Variants in PROSER1 observed in about 807,000 individuals in gnomAD.
PROSER1 encodes proline and serine-rich protein 1.
PROSER1 carries 36 observed loss-of-function variants against 71.8 expected under a neutral mutation model. That is an observed-to-expected ratio of 0.50 (90% CI 0.38 to 0.66). The LOEUF is 0.66. PROSER1 is among the 30% of genes least tolerant of loss of function. The pLI is 0.00. For synonymous variants in PROSER1, 490 were observed against 452.4 expected, an observed-to-expected ratio of 1.08 and a Z score of -1.06; for missense variants, 1,107 against 1,135.0, an observed-to-expected ratio of 0.98 and a Z score of 0.35.
chr13:39,016,978 G>A (rs936636662), intron 10 of PROSER1, among the ~76,000 whole-genome samples: 27 of 152,180 alleles, frequency 1.8e-4, no homozygotes, highest in African/African-American at 6.5e-4. Flanking sequence ...ATACAACGTC[G>A]CAGCACTGCT....
chr13:39,029,328 A>C lies in PROSER1; in HGVS notation c.228T>G (p.Cys76Trp). ...QPTEVVNILN[C>W]FTFSKDKLVA... The stretch of plus-strand genomic sequence containing the variant: ...CTAGTTTGTCTTTACTGAAAGTGAA[A>C]CAGTTGAGTATATTGACCACTTCTG... Residue 76 changes from cysteine to tryptophan, a missense_variant, in exon 4 of 13, where the codon TGT becomes TGG. Physicochemically the swap from Cys to Trp is radical, Grantham distance 215. Coordinates refer to ENST00000352251, the MANE Select transcript of PROSER1 (RefSeq NM_025138.5). 1 of 1,552,702 alleles carries C rather than the reference A, an allele frequency of 6.4e-7. No homozygotes were observed. Among genetic ancestry groups the C allele is most frequent in the Non-Finnish European group, 8.6e-7 (1 of 1,157,214 alleles).
rs568261276 is a variant in PROSER1 at position 39,023,283 on chromosome 13, C to G, written c.565-153G>C. 1.3e-3 allele frequency: 756 copies of G among 566,208 alleles called. 3 individuals are homozygous for G. The highest frequency in any genetic ancestry group is 2.1e-3 in the Non-Finnish European group (678 of 316,876). 35.1% of individuals were successfully genotyped at this position (566,208 alleles called of 1,614,324 possible). On this transcript the variant is annotated intron_variant, in intron 7 of 12. Transcript: ENST00000352251. ...ATGGGACAACAAATGAGGGAAATTT[C>G]TTTGCTTTAATAAATGTGGTTGCTA... is the stretch of plus-strand genomic sequence containing the variant.
At chr13:39,018,280 T>C (rs753601451) in intron 9 of PROSER1, among the ~76,000 whole-genome samples, 16 of 152,138 alleles carry the variant, frequency 1.1e-4, no homozygotes, top group Admixed American at 2.6e-4. Context: ...TAACCTCTTA[T>C]GGCTTGACAA....
Position 39,026,293 on chromosome 13 carries a change from A to T in PROSER1, c.464T>A (p.Ile155Lys). The stretch of plus-strand genomic sequence containing the variant: ...TATGCTTACTGGGAAAATTCCATTT[A>T]TGCGGCTAGGTCTTCCTTTGGGATA... ...NPYPKGRPSR[I>K]NGIFPGTPLK... is the part of the protein sequence containing the mutation. Residue 155 changes from isoleucine (I) to lysine (K), a missense_variant, in exon 6 of 13, where the codon ATA becomes AAA. Transcript: ENST00000352251. 1 of 1,610,250 alleles carries T rather than the reference A, an allele frequency of 6.2e-7. No individual in the cohort carries two copies. Among genetic ancestry groups the T allele is most frequent in the South Asian group, 1.1e-5 (1 of 90,956 alleles).
rs1377604973 is a variant in PROSER1 at position 39,010,089 on chromosome 13, TA to T, written c.*1275del. ...AATTTGGATAAAAATGTTCAATAAT[TA>T]ACTCTAGCACGTATACAAAATTAGA... On this transcript the variant is annotated 3_prime_UTR_variant, in exon 13 of 13. Transcript: ENST00000352251. 2 of 152,654 alleles carry T rather than the reference TA, an allele frequency of 1.3e-5. No individual in the cohort carries two copies. Among genetic ancestry groups the T allele is most frequent in the Admixed American group, 1.3e-4 (2 of 15,292 alleles). 9.5% of individuals were successfully genotyped at this position (152,654 alleles called of 1,614,324 possible). A position where few individuals can be genotyped will look rare whatever the true frequency, so the allele number is the denominator to read the frequency against.
At chr13:39,028,087 C>G (rs998121516) in intron 5 of PROSER1, 140 bp downstream of exon 5, 1 of 539,900 alleles carries the variant, frequency 1.9e-6, no homozygotes, top group Non-Finnish European at 3.4e-6. Context: ...CGCCGCAGAC[C>G]GCAGGGATGT....
chr13:39,026,102 TTA>T (rs1870532436), intron 6 of PROSER1, among the ~76,000 whole-genome samples, 173 bp downstream of exon 6: 1 of 152,208 alleles, frequency 6.6e-6, no homozygotes, highest in Non-Finnish European at 1.5e-5. Context: ...TCTATAGATT[TTA>T]TATAGATACC....
chr13:39,031,685 T>A, intron 2 of PROSER1, 54 bp from the exon 3 acceptor site: 1 of 1,487,012 alleles, frequency 6.7e-7, no homozygotes, highest in Non-Finnish European at 9.3e-7. Context: ...AACATTTCTA[T>A]AAGATTTCAG....
At chr13:39,016,264 T>C (rs1215817509) in intron 10 of PROSER1, among the ~76,000 whole-genome samples, 1 of 152,242 alleles carries the variant, frequency 6.6e-6, no homozygotes. Context: ...TGTGCTAAGT[T>C]AGGCCCATCA....
intron 9 of PROSER1, among the ~76,000 whole-genome samples, chr13:39,021,377 G>C (rs1870282926): frequency 6.6e-6 from 1 of 152,008 alleles, no homozygotes; most frequent in African/African-American, 2.4e-5. Flanking sequence ...TTTAGAGGCA[G>C]AAAGTCCCCC....
intron 6 of PROSER1, among the ~76,000 whole-genome samples, chr13:39,025,174 A>G (rs1870488773): frequency 6.6e-6 from 1 of 152,202 alleles, no homozygotes; most frequent in Admixed American, 6.5e-5. Context: ...ATAAGAAAAA[A>G]TGGTGTTCTC....
Position 39,013,596 on chromosome 13 carries a change from G to A in PROSER1, c.1656C>T (p.Pro552=). Residue 552 remains proline, a synonymous_variant, in exon 11 of 13, where the codon CCC becomes CCT. Coordinates refer to ENST00000352251, the MANE Select transcript of PROSER1 (RefSeq NM_025138.5). ...AAGGAGACTGTACAGGCAATGTCAG[G>A]GGAGTGGAAGTTGAGTTAGCCACGG... ...PSPVANSTST[P]LTLPVQSPLA... 2 of 1,614,172 alleles carry A rather than the reference G, an allele frequency of 1.2e-6. No homozygotes were observed. The highest frequency in any genetic ancestry group is 1.7e-6 in the Non-Finnish European group (2 of 1,180,032).
intron 10 of PROSER1, among the ~76,000 whole-genome samples, chr13:39,015,625 A>T (rs1276533656): frequency 2.6e-5 from 4 of 152,186 alleles, no homozygotes. Flanking sequence ...ACACATACAT[A>T]ATTCATTTGC....
chr13:39,021,913 G>A (rs1382546471), intron 9 of PROSER1, among the ~76,000 whole-genome samples: 2 of 152,092 alleles, frequency 1.3e-5, no homozygotes, highest in Non-Finnish European at 2.9e-5. Flanking sequence ...TCTAATTTCA[G>A]AGAAATTAAA....
At position 39,026,272 on chromosome 13, in the gene PROSER1, C is replaced by T. The variant is rs1200962660; in HGVS notation, c.480+5G>A. 7.0e-6 allele frequency: 11 copies of T among 1,575,348 alleles called. No individual in the cohort carries two copies. ...TTTCATATACAGCTACAGAAGTATGCTTACTGGGAAAATTCCATTTATGCG... is the reference window on the plus strand; with the variant it reads ...TTTCATATACAGCTACAGAAGTATGTTTACTGGGAAAATTCCATTTATGCG... On this transcript the variant is annotated splice_donor_5th_base_variant and intron_variant, in intron 6 of 12. Transcript: ENST00000352251.
At position 39,012,853 on chromosome 13, in the gene PROSER1, G is replaced by A; in HGVS notation, c.2399C>T (p.Thr800Ile). ...CCCCGGGAATGAGGGAAGAGCAGGG[G>A]TAACGCTTGGGGTATTAGAGACAGA... is the stretch of plus-strand genomic sequence containing the variant. Reference protein sequence around the residue: ...GFSVSNTPSVTPALPSFPGLQ... With the variant: ...GFSVSNTPSVIPALPSFPGLQ... The change falls in exon 11 of 13, where the codon ACC becomes ATC. Residue 800 changes from threonine to isoleucine, a missense_variant. Physicochemically the swap from Thr to Ile is moderately conservative, Grantham distance 89. Transcript: ENST00000352251. The A allele has an allele frequency of 6.2e-7, 1 of 1,614,218 alleles. No individual in the cohort carries two copies. The highest frequency in any genetic ancestry group is 8.5e-7 in the Non-Finnish European group (1 of 1,180,042).
chr13:39,029,601 T>TACA (rs1870736426), intron 3 of PROSER1, among the ~76,000 whole-genome samples: 1 of 152,148 alleles, frequency 6.6e-6, no homozygotes, highest in South Asian at 2.1e-4. Context: ...TAAGTTCTCC[T>TACA]ACATGCTCCT....
Position 39,013,211 on chromosome 13 carries a change from G to A in PROSER1, c.2041C>T (p.Leu681Phe), listed in dbSNP as rs1869776173. ...NGSNPLSSIS[L>F]PPHGSSTPIA... ...GGAGTGGAGGAACCATGTGGTGGAA[G>A]GGAAATAGAGGAAAGAGGATTTGAA... Residue 681 changes from leucine to phenylalanine, a missense_variant, in exon 11 of 13, where the codon CTT (leucine) becomes TTT (phenylalanine). Coordinates refer to ENST00000352251, the MANE Select transcript of PROSER1 (RefSeq NM_025138.5). 1 of 1,614,134 alleles carries A rather than the reference G, an allele frequency of 6.2e-7. No individual in the cohort carries two copies. The highest frequency in any genetic ancestry group is 1.3e-5 in the African/African-American group (1 of 75,038).
chr13:39,024,334 T>C lies in PROSER1; in HGVS notation c.564+139A>G, dbSNP rs1352977086. 13 of 609,444 alleles carry C rather than the reference T, an allele frequency of 2.1e-5. 1 individual carries two copies. In the East Asian group the frequency reaches 3.6e-4, roughly 17 times the overall value. The allele number at this position is 609,444 out of a possible 1,614,324, so 37.8% of individuals were successfully genotyped here. Reference sequence around the variant, plus strand: ...CTGTTAAATATTTATGTTTCCCTCATCCATTCACTCTCTCACTCTCCTACA... The same window carrying C: ...CTGTTAAATATTTATGTTTCCCTCACCCATTCACTCTCTCACTCTCCTACA... On this transcript the variant is annotated intron_variant, in intron 7 of 12. Coordinates refer to ENST00000352251, the MANE Select transcript of PROSER1 (RefSeq NM_025138.5).
Sources: gnomAD v4.1 joint callset for allele counts (sites outside exome capture counted in the v4.1 genomes callset) on GRCh38, gnomAD v4.1.1 for gene constraint, MANE v1.5 for transcripts, NCBI Gene and HGNC (gene_info 2026-07-23, HGNC 2026-07-21) for gene names.